Variants in CHCHD3 observed in about 807,000 individuals in gnomAD.
CHCHD3 encodes coiled-coil-helix-coiled-coil-helix domain containing 3.
CHCHD3 carries 20 observed loss-of-function variants against 38.2 expected under a neutral mutation model. The observed-to-expected ratio is 0.52, with a 90% CI of 0.37 to 0.76. The LOEUF is 0.76. CHCHD3 is among the 30% of genes least tolerant of loss of function. The pLI is 0.00. For missense variants in CHCHD3, 245 were observed against 279.2 expected (o/e 0.88, Z 0.87); for synonymous variants, 82 against 100.0 (o/e 0.82, Z 1.07).
intron 7 of CHCHD3, among the ~76,000 whole-genome samples, chr7:132,794,525 A>T (rs1157397620): frequency 6.6e-6 from 1 of 152,198 alleles, no homozygotes; most frequent in Non-Finnish European, 1.5e-5. Context: ...GTCCATTTCA[A>T]TGTTGCCCAT....
intron 4 of CHCHD3, among the ~76,000 whole-genome samples, chr7:132,909,717 G>A (rs1184633623): frequency 6.6e-6 from 1 of 152,188 alleles, no homozygotes; most frequent in African/African-American, 2.4e-5. Context: ...TCAAGATGAT[G>A]TTGTATTTAT....
chr7:133,003,800 C>T (rs79663369), intron 3 of CHCHD3, among the ~76,000 whole-genome samples: 1,768 of 152,156 alleles, frequency 0.012, 22 homozygotes, highest in Middle Eastern at 0.024. Context: ...TAAAAATACA[C>T]GGAGGATAAA....
At chr7:132,866,899 C>T (rs1808639888) in intron 5 of CHCHD3, among the ~76,000 whole-genome samples, 1 of 152,194 alleles carries the variant, frequency 6.6e-6, no homozygotes, top group Non-Finnish European at 1.5e-5. Flanking sequence ...ACAGGATCTG[C>T]CAGCAGGCTT....
At chr7:133,071,492 G>A (rs1438472391) in intron 1 of CHCHD3, among the ~76,000 whole-genome samples, 1 of 152,166 alleles carries the variant, frequency 6.6e-6, no homozygotes, top group East Asian at 1.9e-4. Flanking sequence ...ATTTTAAGCA[G>A]GGGAATGGCA....
chr7:132,926,553 G>A (rs1161182020), intron 4 of CHCHD3, among the ~76,000 whole-genome samples: 2 of 152,134 alleles, frequency 1.3e-5, no homozygotes, highest in African/African-American at 4.8e-5. Context: ...TTTGTGAGGC[G>A]CAAATGAGAT....
At chr7:132,926,416 A>T (rs1295812635) in intron 4 of CHCHD3, among the ~76,000 whole-genome samples, 1 of 152,204 alleles carries the variant, frequency 6.6e-6, no homozygotes, top group African/African-American at 2.4e-5. Context: ...GTACAGCATT[A>T]GAATATAGAT....
chr7:132,856,489 G>A (rs1808345401), intron 5 of CHCHD3, among the ~76,000 whole-genome samples: 1 of 152,188 alleles, frequency 6.6e-6, no homozygotes, highest in Non-Finnish European at 1.5e-5. Flanking sequence ...ATGTGAATTA[G>A]GCTCTGAAAT....
intron 3 of CHCHD3, among the ~76,000 whole-genome samples, chr7:132,990,029 C>T (rs1439124468): frequency 6.6e-6 from 1 of 151,898 alleles, no homozygotes; most frequent in Non-Finnish European, 1.5e-5. Context: ...AAAAATTAGC[C>T]GGGCGTGGTG....
chr7:132,951,183 C>T (rs551735280), intron 4 of CHCHD3, among the ~76,000 whole-genome samples: 7 of 152,214 alleles, frequency 4.6e-5, no homozygotes, highest in East Asian at 1.9e-4. Context: ...GTTTTAAGAA[C>T]GTGATCAGAA....
chr7:132,908,694 G>A (rs1426907726), intron 4 of CHCHD3, among the ~76,000 whole-genome samples: 3 of 152,132 alleles, frequency 2.0e-5, no homozygotes, highest in Non-Finnish European at 4.4e-5. Context: ...TTAGGGTCCT[G>A]TGGACACTTG....
rs148824511 is a variant in CHCHD3 at position 133,023,837 on chromosome 7, T to C, written c.251+709A>G. Among the ~76,000 whole-genome samples, 345 of 152,340 alleles carry C rather than the reference T, an allele frequency of 2.3e-3. 2 individuals are homozygous for C. The highest frequency in any genetic ancestry group is 7.9e-3 in the African/African-American group (330 of 41,578). ...CTATAACTGATGGTCTAGTGTTCCA[T>C]TGCAGGCATGTACCATAATTAATTC... On this transcript the variant is annotated intron_variant, in intron 3 of 7. Transcript: ENST00000262570.
At chr7:132,934,128 C>G (rs1221665909) in intron 4 of CHCHD3, among the ~76,000 whole-genome samples, 1 of 152,228 alleles carries the variant, frequency 6.6e-6, no homozygotes, top group Non-Finnish European at 1.5e-5. Flanking sequence ...ACTACTCAAA[C>G]TTCTCAAACT....
At chr7:133,045,332 A>T (rs1160092910) in intron 2 of CHCHD3, among the ~76,000 whole-genome samples, 1 of 152,216 alleles carries the variant, frequency 6.6e-6, no homozygotes, top group Non-Finnish European at 1.5e-5. Flanking sequence ...CACGACGCAC[A>T]GGAGAGACAT....
intron 6 of CHCHD3, among the ~76,000 whole-genome samples, chr7:132,802,017 T>C (rs2117037505): frequency 6.6e-6 from 1 of 152,218 alleles, no homozygotes; most frequent in East Asian, 1.9e-4. Flanking sequence ...TGGCCACCTA[T>C]CCCTGCTAAA....
At chr7:133,067,943 C>T (rs920945811) in intron 2 of CHCHD3, among the ~76,000 whole-genome samples, 1 of 151,990 alleles carries the variant, frequency 6.6e-6, no homozygotes, top group Non-Finnish European at 1.5e-5. Flanking sequence ...GGTGAAACCC[C>T]GTCTCTACTA....
chr7:133,012,620 C>A (rs1812904944), intron 3 of CHCHD3, among the ~76,000 whole-genome samples: 2 of 151,152 alleles, frequency 1.3e-5, no homozygotes, highest in African/African-American at 4.9e-5. Flanking sequence ...AAAAATTAGG[C>A]AGACATGGTG....
intron 7 of CHCHD3, among the ~76,000 whole-genome samples, chr7:132,791,973 T>C (rs1312696894): frequency 6.6e-6 from 1 of 152,140 alleles, no homozygotes; most frequent in Non-Finnish European, 1.5e-5. Flanking sequence ...GTCCTTATTG[T>C]GAGCTGAACT....
At chr7:132,978,040 C>T (rs1010363193) in intron 3 of CHCHD3, among the ~76,000 whole-genome samples, 4 of 152,044 alleles carry the variant, frequency 2.6e-5, no homozygotes, top group Non-Finnish European at 5.9e-5. Context: ...ATTTAATCTC[C>T]GGTGAGTCCT....
intron 4 of CHCHD3, among the ~76,000 whole-genome samples, chr7:132,897,347 T>C (rs936762495): frequency 6.6e-6 from 1 of 152,090 alleles, no homozygotes; most frequent in African/African-American, 2.4e-5. Context: ...TGAATTCCTT[T>C]TCTTTGTACT....
Sources: allele counts gnomAD v4.1 joint callset (sites outside exome capture counted in the v4.1 genomes callset), GRCh38; gene constraint gnomAD v4.1.1; transcripts MANE v1.5; gene names NCBI Gene and HGNC (gene_info 2026-07-23, HGNC 2026-07-21).